The following KCNK1 variants were observed in gnomAD, a reference collection of about 807,000 sequenced individuals.
KCNK1 encodes potassium channel subfamily K member 1.
In KCNK1, 10 loss-of-function variants were observed where a neutral mutation model predicts 22.2. That is an observed-to-expected ratio of 0.45 (90% CI 0.28 to 0.76). KCNK1 has a LOEUF of 0.76. KCNK1 is among the 30% of genes least tolerant of loss of function. The pLI, the probability that KCNK1 is intolerant of heterozygous loss-of-function variation, is 0.14. For synonymous variants in KCNK1, 200 were observed against 186.4 expected (o/e 1.07, Z -0.60); for missense variants, 378 against 421.0 (o/e 0.90, Z 0.89).
chr1:233,646,236 C>T (rs1003897304), intron 1 of KCNK1, among the ~76,000 whole-genome samples: 6 of 152,114 alleles, frequency 3.9e-5, no homozygotes, highest in Non-Finnish European at 7.3e-5. Flanking sequence ...TGAGTCTCAA[C>T]CTTAGCTCTA....
chr1:233,635,436 A>G (rs1015185180), intron 1 of KCNK1, among the ~76,000 whole-genome samples: 1 of 152,220 alleles, frequency 6.6e-6, no homozygotes, highest in Non-Finnish European at 1.5e-5. Context: ...CCAAGATCAT[A>G]ACATTTTTGT....
intron 1 of KCNK1, among the ~76,000 whole-genome samples, chr1:233,656,135 A>C (rs555630666): frequency 2.0e-5 from 3 of 152,344 alleles, no homozygotes; most frequent in African/African-American, 7.2e-5. Flanking sequence ...GTGTCATCCA[A>C]AGGACCATCA....
Position 233,649,296 on chromosome 1 carries a change from T to G in KCNK1, c.356-17299T>G, listed in dbSNP as rs531263869. On this transcript the variant is annotated intron_variant, in intron 1 of 2. Coordinates refer to ENST00000366621, the MANE Select transcript of KCNK1 (RefSeq NM_002245.4). The stretch of plus-strand genomic sequence containing the variant: ...GAGGCTGTCTCAGCAAGTGCTTAAG[T>G]ATCTAGACTAGAAATTCCCTTCATA... Among the ~76,000 whole-genome samples the G allele has an allele frequency of 3.9e-5, 6 of 152,336 alleles. No homozygotes were observed. The South Asian group carries it at 1.2e-3, about 32-fold the overall frequency.
At chr1:233,654,507 C>T (rs1658255100) in intron 1 of KCNK1, among the ~76,000 whole-genome samples, 1 of 152,128 alleles carries the variant, frequency 6.6e-6, no homozygotes, top group South Asian at 2.1e-4. Flanking sequence ...CTTGGCTTCT[C>T]TTGACAGCCT....
chr1:233,615,176 T>G (rs1371496593), intron 1 of KCNK1, among the ~76,000 whole-genome samples: 1 of 152,234 alleles, frequency 6.6e-6, no homozygotes, highest in Non-Finnish European at 1.5e-5. Flanking sequence ...CCGGTTTCTT[T>G]TCAGAGTAGG....
chr1:233,654,197 G>A (rs1056430264), intron 1 of KCNK1, among the ~76,000 whole-genome samples: 5 of 151,986 alleles, frequency 3.3e-5, no homozygotes, highest in African/African-American at 7.3e-5. Context: ...AAAAGCCATC[G>A]GGGTGGGGGG....
chr1:233,637,274 G>C (rs181597772), intron 1 of KCNK1: 1 of 151,810 alleles, frequency 6.6e-6, no homozygotes, highest in African/African-American at 2.4e-5. Context: ...TCACTGGGCT[G>C]TGTTTTTGAG....
At chr1:233,616,619 A>T (rs1271545810) in intron 1 of KCNK1, among the ~76,000 whole-genome samples, 1 of 152,252 alleles carries the variant, frequency 6.6e-6, no homozygotes. Flanking sequence ...CTTGGTTTGT[A>T]AAGTTAGCAC....
In KCNK1 at chr1:233,671,766, G is replaced by A; in HGVS notation, c.*236G>A. 1.8e-6 allele frequency: 1 copy of A among 547,104 alleles called. No homozygotes were observed. 33.9% of individuals were successfully genotyped at this position (547,104 alleles called of 1,614,324 possible). On this transcript the variant is annotated 3_prime_UTR_variant, in exon 3 of 3. Coordinates refer to ENST00000366621, the MANE Select transcript of KCNK1 (RefSeq NM_002245.4). ...TGAGATGTCCACCTAAAATTCATAT[G>A]TGACAAAATTATCTCGACCTTACAT...
intron 1 of KCNK1, among the ~76,000 whole-genome samples, chr1:233,626,092 A>AG (rs1179148359): frequency 2.0e-5 from 3 of 151,156 alleles, no homozygotes; most frequent in Non-Finnish European, 4.4e-5. Context: ...GACTAAAAGG[A>AG]GGCTCTTCTG....
chr1:233,671,278 G>A lies in KCNK1; in HGVS notation c.759G>A (p.Leu253=). 1.2e-6 allele frequency: 2 copies of A among 1,614,128 alleles called. No individual in the cohort carries two copies. Among genetic ancestry groups the A allele is most frequent in the Non-Finnish European group, 1.7e-6 (2 of 1,179,968 alleles). ...ELYKIGITCY[L]LLGLIAMLVV... ...GTCCTGTTTCTCACACAGGTTACCT[G>A]CTACTTGGCCTTATTGCCATGTTGG... Residue 253 remains leucine, a synonymous_variant, in exon 3 of 3, where the codon CTG becomes CTA. Transcript: ENST00000366621.
Position 233,614,336 on chromosome 1 carries a change from G to A in KCNK1, c.165G>A (p.Glu55=), listed in dbSNP as rs1657443093. 6.2e-7 allele frequency: 1 copy of A among 1,611,614 alleles called. No homozygotes were observed. The highest frequency in any genetic ancestry group is 2.2e-5 in the East Asian group (1 of 44,806). Residue 55 remains glutamate (E), a synonymous_variant, in exon 1 of 3, where the codon GAG becomes GAA. Coordinates refer to ENST00000366621, the MANE Select transcript of KCNK1 (RefSeq NM_002245.4). ...ELPYEDLLRQ[E]LRKLKRRFLE... The stretch of plus-strand genomic sequence containing the variant: ...CCTATGAGGACCTGCTGCGCCAGGA[G>A]CTGCGCAAGCTGAAGCGACGCTTCT...
chr1:233,618,585 G>A (rs922145936), intron 1 of KCNK1, among the ~76,000 whole-genome samples: 1 of 152,098 alleles, frequency 6.6e-6, no homozygotes, highest in Non-Finnish European at 1.5e-5. Flanking sequence ...GACAACTGTT[G>A]GGTAAAAATA....
chr1:233,658,577 C>T (rs74594583), intron 1 of KCNK1, among the ~76,000 whole-genome samples: 1,938 of 152,228 alleles, frequency 0.013, 39 homozygotes, highest in African/African-American at 0.045. Context: ...TACAGTCAAG[C>T]GTCACCTAAC....
intron 1 of KCNK1, chr1:233,649,859 C>T (rs369611852): frequency 1.3e-5 from 6 of 454,464 alleles, no homozygotes; most frequent in South Asian, 6.7e-5. Flanking sequence ...AATCTTTGGG[C>T]ACCCAGCAAA....
Position 233,639,057 on chromosome 1 carries a change from G to T in KCNK1, c.355+24531G>T, listed in dbSNP as rs74339064. Among the ~76,000 whole-genome samples, 25 of 152,340 alleles carry T rather than the reference G, an allele frequency of 1.6e-4. No homozygotes were observed. The East Asian group carries it at 4.4e-3, about 27-fold the overall frequency. On this transcript the variant is annotated intron_variant, in intron 1 of 2. Transcript: ENST00000366621. ...CATTTGTGCACCCATGTGTGGGTTT[G>T]TCCTGGCTGATGGGCTCCAGTCCTA...
rs115596001 is a variant in KCNK1 at position 233,646,367 on chromosome 1, A to G, written c.356-20228A>G. Among the ~76,000 whole-genome samples the G allele has an allele frequency of 3.6e-3, 541 of 152,298 alleles. 2 individuals carry two copies. The highest frequency in any genetic ancestry group is 0.011 in the African/African-American group (478 of 41,566). ...TCTCCAGGTGAGGCTAGGGGCAGCCAGGGTGGAAAAACCACAAATGTAAGC... is the reference window on the plus strand; with the variant it reads ...TCTCCAGGTGAGGCTAGGGGCAGCCGGGGTGGAAAAACCACAAATGTAAGC... On this transcript the variant is annotated intron_variant, in intron 1 of 2. Coordinates refer to ENST00000366621, the MANE Select transcript of KCNK1 (RefSeq NM_002245.4).
intron 1 of KCNK1, among the ~76,000 whole-genome samples, chr1:233,645,302 C>G (rs750025345): frequency 2.0e-5 from 3 of 152,176 alleles, no homozygotes; most frequent in Non-Finnish European, 4.4e-5. Context: ...ATACCCTAAC[C>G]TCTGGAAACT....
In KCNK1 at chr1:233,672,139, CTA is replaced by C. The variant is rs16360; in HGVS notation, c.*612_*613del. Reference sequence around the variant, plus strand: ...TCCTAGTGTAGTTCTGAAACTAAGACTATAGATATTTTGTTTCTTTTGATTTC... The same window carrying C: ...TCCTAGTGTAGTTCTGAAACTAAGACTAGATATTTTGTTTCTTTTGATTTC... On this transcript the variant is annotated 3_prime_UTR_variant, in exon 3 of 3. Coordinates refer to ENST00000366621, the MANE Select transcript of KCNK1 (RefSeq NM_002245.4). 0.23 allele frequency: 34,988 copies of C among 152,270 alleles called. 4,464 individuals carry two copies. The highest frequency in any genetic ancestry group is 0.28 in the Non-Finnish European group (19,303 of 67,944). 9.4% of individuals were successfully genotyped at this position (152,270 alleles called of 1,614,324 possible). A position where few individuals can be genotyped will look rare whatever the true frequency, so the allele number is the denominator to read the frequency against.
Sources: gnomAD v4.1 joint callset for allele counts (sites outside exome capture counted in the v4.1 genomes callset) on GRCh38, gnomAD v4.1.1 for gene constraint, MANE v1.5 for transcripts, NCBI Gene and HGNC (gene_info 2026-07-23, HGNC 2026-07-21) for gene names.